The following PRKD1 variants were observed in gnomAD, a reference collection of about 807,000 sequenced individuals.
PRKD1 encodes the protein serine/threonine-protein kinase D1.
Under a neutral mutation model 95.9 loss-of-function variants are expected in PRKD1, and 63 were observed. The observed-to-expected ratio is 0.66, with a 90% CI of 0.54 to 0.81. The LOEUF (loss-of-function observed/expected upper bound fraction) is 0.81, where lower values mean the gene tolerates loss of function less well. PRKD1 is among the 30% of genes least tolerant of loss of function. The pLI, the probability that PRKD1 is intolerant of heterozygous loss-of-function variation, is 0.00. For missense variants in PRKD1, 1,048 were observed against 1,165.3 expected, an observed-to-expected ratio of 0.90 and a Z score of 1.47; for synonymous variants, 425 against 423.1, an observed-to-expected ratio of 1.00 and a Z score of -0.05.
chr14:29,712,395 AAT>A (rs1320513964), intron 2 of PRKD1, among the ~76,000 whole-genome samples: 1 of 152,236 alleles, frequency 6.6e-6, no homozygotes, highest in Admixed American at 6.5e-5. Context: ...GGAAAATAAA[AAT>A]AGAATAAGAT....
chr14:29,811,936 T>C (rs887110568), intron 1 of PRKD1: 1 of 152,218 alleles, frequency 6.6e-6, no homozygotes, highest in African/African-American at 2.4e-5. Flanking sequence ...CTTTAGCACA[T>C]GTACTAAAAT....
intron 10 of PRKD1, among the ~76,000 whole-genome samples, chr14:29,629,948 T>TTCCTTC (rs200281211): frequency 1.5e-4 from 23 of 150,738 alleles, no homozygotes; most frequent in Admixed American, 1.3e-3. Context: ...TTCTTCCTTC[T>TTCCTTC]TCCTTCTCCT....
At chr14:29,795,847 T>C (rs1182939152) in intron 1 of PRKD1, among the ~76,000 whole-genome samples, 1 of 152,152 alleles carries the variant, frequency 6.6e-6, no homozygotes, top group African/African-American at 2.4e-5. Context: ...ACTTTCAATG[T>C]GTTTAAGCAG....
rs546751203 is a variant in PRKD1 at position 29,578,133 on chromosome 14, T to G, written c.2520+142A>C. On this transcript the variant is annotated intron_variant, in intron 17 of 17. Coordinates refer to ENST00000331968, the MANE Select transcript of PRKD1 (RefSeq NM_002742.3). ...AACACTAAATTGTTATTAAATCCTA[T>G]GAAGTTGCATGCATTTGAGCAAATA... The G allele has an allele frequency of 4.4e-6, 3 of 677,846 alleles. No individual in the cohort carries two copies. In the African/African-American group the frequency reaches 5.5e-5, roughly 13 times the overall value. 42.0% of individuals were successfully genotyped at this position (677,846 alleles called of 1,614,324 possible). A position where few individuals can be genotyped will look rare whatever the true frequency, so the allele number is the denominator to read the frequency against.
At chr14:29,832,555 G>C (rs1170714821) in intron 1 of PRKD1, among the ~76,000 whole-genome samples, 2 of 151,556 alleles carry the variant, frequency 1.3e-5, no homozygotes, top group Non-Finnish European at 2.9e-5. Flanking sequence ...TTCTTATTTA[G>C]CTCAATAAAA....
intron 1 of PRKD1, among the ~76,000 whole-genome samples, chr14:29,813,590 A>G (rs2139249712): frequency 6.6e-6 from 1 of 152,310 alleles, no homozygotes; most frequent in South Asian, 2.1e-4. Context: ...ACAGAGACAG[A>G]CACTACCCAA....
At chr14:29,786,795 C>A (rs1467733302) in intron 1 of PRKD1, among the ~76,000 whole-genome samples, 1 of 151,672 alleles carries the variant, frequency 6.6e-6, no homozygotes, top group Non-Finnish European at 1.5e-5. Context: ...AAAAGCTTTT[C>A]TTTTTGTTGA....
chr14:29,924,609 G>A (rs926443419), intron 1 of PRKD1, among the ~76,000 whole-genome samples: 1 of 152,176 alleles, frequency 6.6e-6, no homozygotes, highest in Admixed American at 6.5e-5. Context: ...GACTCAGAAA[G>A]ATCAGGAGAA....
At chr14:29,728,657 T>C (rs937043492) in intron 1 of PRKD1, among the ~76,000 whole-genome samples, 6 of 152,300 alleles carry the variant, frequency 3.9e-5, no homozygotes, top group East Asian at 3.9e-4. Flanking sequence ...TCTAGCATAA[T>C]TGTTTATCAG....
At chr14:29,917,143 GTC>G in intron 1 of PRKD1, among the ~76,000 whole-genome samples, 1 of 152,134 alleles carries the variant, frequency 6.6e-6, no homozygotes, top group Non-Finnish European at 1.5e-5. Flanking sequence ...ATTCAATCAA[GTC>G]TCTGGAACTT....
At chr14:29,765,186 G>C (rs1888203217) in intron 1 of PRKD1, among the ~76,000 whole-genome samples, 1 of 151,998 alleles carries the variant, frequency 6.6e-6, no homozygotes, top group Non-Finnish European at 1.5e-5. Flanking sequence ...CTAGTATCCA[G>C]AAGATAACAA....
intron 1 of PRKD1, among the ~76,000 whole-genome samples, chr14:29,916,232 C>A (rs886287380): frequency 5.3e-5 from 8 of 152,186 alleles, no homozygotes; most frequent in African/African-American, 1.9e-4. Context: ...TTGGAGCTCT[C>A]ACCTGTGATG....
chr14:29,836,654 C>T (rs546481823), intron 1 of PRKD1, among the ~76,000 whole-genome samples: 22 of 152,246 alleles, frequency 1.4e-4, no homozygotes, highest in Admixed American at 7.8e-4. Context: ...AGTTTGCCAA[C>T]ACCTCCTCCT....
chr14:29,710,539 G>A (rs1002571748), intron 2 of PRKD1, among the ~76,000 whole-genome samples: 3 of 152,046 alleles, frequency 2.0e-5, no homozygotes, highest in East Asian at 3.9e-4. Flanking sequence ...CATGAAAAAC[G>A]AGGAAAGTCT....
At chr14:29,673,627 T>C (rs1156701365) in intron 2 of PRKD1, among the ~76,000 whole-genome samples, 1 of 152,246 alleles carries the variant, frequency 6.6e-6, no homozygotes. Context: ...TCTCTAACTG[T>C]GCAGGCACAT....
At chr14:29,595,715 T>C (rs1458709547) in intron 16 of PRKD1, among the ~76,000 whole-genome samples, 2 of 152,226 alleles carry the variant, frequency 1.3e-5, no homozygotes, top group Non-Finnish European at 1.5e-5. Flanking sequence ...TTTGTTCCAC[T>C]ACTCCTAGAA....
At chr14:29,812,071 G>A (rs1890510169) in intron 1 of PRKD1, 1 of 152,076 alleles carries the variant, frequency 6.6e-6, no homozygotes, top group African/African-American at 2.4e-5. Flanking sequence ...CAAACCCAAA[G>A]AGAACACATA....
intron 1 of PRKD1, among the ~76,000 whole-genome samples, chr14:29,726,675 T>C (rs1374348662): frequency 6.6e-6 from 1 of 152,114 alleles, no homozygotes; most frequent in Non-Finnish European, 1.5e-5. Context: ...TTCACATGAA[T>C]CATTTTGTGT....
intron 16 of PRKD1, among the ~76,000 whole-genome samples, chr14:29,586,101 A>C (rs1484478645): frequency 6.6e-6 from 1 of 152,212 alleles, no homozygotes; most frequent in Non-Finnish European, 1.5e-5. Flanking sequence ...CCACATTTTG[A>C]GTAGCAAGGA....
Sources: allele counts gnomAD v4.1 joint callset (sites outside exome capture counted in the v4.1 genomes callset), GRCh38; gene constraint gnomAD v4.1.1; transcripts MANE v1.5; gene names NCBI Gene and HGNC (gene_info 2026-07-23, HGNC 2026-07-21).